The following SERINC2 variants were observed in gnomAD, a reference collection of about 807,000 sequenced individuals.
The protein encoded by SERINC2 is tumor differentially expressed protein 2.
Under a neutral mutation model 54.2 loss-of-function variants are expected in SERINC2, and 56 were observed. That is an observed-to-expected ratio of 1.03 (90% confidence interval 0.83 to 1.29). The LOEUF (loss-of-function observed/expected upper bound fraction) is 1.29, where lower values mean the gene tolerates loss of function less well. Ranked by LOEUF, SERINC2 falls within the 50% of genes most tolerant of loss-of-function variation. The pLI, the probability that SERINC2 is intolerant of heterozygous loss-of-function variation, is 0.00. For missense variants in SERINC2, 614 were observed against 607.4 expected (o/e 1.01, Z -0.12); for synonymous variants, 272 against 253.1 (o/e 1.07, Z -0.71).
intron 1 of SERINC2, among the ~76,000 whole-genome samples, chr1:31,415,263 G>A (rs1381282698): frequency 6.6e-6 from 1 of 152,234 alleles, no homozygotes; most frequent in Non-Finnish European, 1.5e-5. Flanking sequence ...GTCCAGGGAA[G>A]AATTGGGAGA....
chr1:31,432,114 G>A (rs1382927992), intron 8 of SERINC2, among the ~76,000 whole-genome samples: 12 of 126,660 alleles, frequency 9.5e-5, no homozygotes, highest in Non-Finnish European at 1.3e-4. Flanking sequence ...GGGTGGATAG[G>A]GTGGTTAGGG....
In SERINC2 at chr1:31,424,805, C is replaced by G. The variant is rs1640992224; in HGVS notation, c.324C>G (p.Phe108Leu). 1.2e-6 allele frequency: 2 copies of G among 1,612,206 alleles called. No homozygotes were observed. Among genetic ancestry groups the G allele is most frequent in the Non-Finnish European group, 1.7e-6 (2 of 1,179,546 alleles). The change falls in exon 3 of 10, where the codon TTC (phenylalanine) becomes TTG (leucine). Residue 108 changes from phenylalanine (F) to leucine (L), a missense_variant. Phe to Leu is a conservative substitution (Grantham distance 22). Coordinates refer to ENST00000373709, the MANE Select transcript of SERINC2 (RefSeq NM_178865.5). ...YRMCFATAAF[F>L]FFFTLLMLCV... ...TGTGCTTCGCCACGGCGGCCTTCTT[C>G]TTCTTTTTCACCCTGCTCATGCTCT...
intron 8 of SERINC2, among the ~76,000 whole-genome samples, chr1:31,432,035 T>C (rs1641265462): frequency 7.7e-6 from 1 of 129,964 alleles, no homozygotes; most frequent in East Asian, 2.5e-4. Context: ...GTGGACAGGG[T>C]GGACAGGGTG....
intron 1 of SERINC2, among the ~76,000 whole-genome samples, chr1:31,421,478 C>A (rs1640900905): frequency 6.6e-6 from 1 of 152,200 alleles, no homozygotes; most frequent in Non-Finnish European, 1.5e-5. Flanking sequence ...TGGACTGTTT[C>A]AATTTAGACC....
intron 8 of SERINC2, among the ~76,000 whole-genome samples, chr1:31,431,776 A>AATAGGGTGGTTAGGGTGGTTAGGGTGG (rs1557499655): frequency 1.6e-4 from 1 of 6,286 alleles, no homozygotes; most frequent in African/African-American, 2.2e-4. Flanking sequence ...GGAGAGGGTG[A>AATAGGGTGGTTAGGGTGGTTAGGGTGG]ATAGGGTGGA....
At chr1:31,418,755 A>G (rs574874435) in intron 1 of SERINC2, among the ~76,000 whole-genome samples, 155 of 152,296 alleles carry the variant, frequency 1.0e-3, no homozygotes, top group Non-Finnish European at 1.7e-3. Flanking sequence ...GAGTGGTTCT[A>G]AGAACTTCTG....
At chr1:31,416,109 A>C (rs1262554727) in intron 1 of SERINC2, among the ~76,000 whole-genome samples, 1 of 152,208 alleles carries the variant, frequency 6.6e-6, no homozygotes, top group Non-Finnish European at 1.5e-5. Context: ...GACTGTGGGC[A>C]GTCACTTTGC....
Position 31,420,429 on chromosome 1 carries a change from A to C in SERINC2, c.40-3264A>C, listed in dbSNP as rs116000516. Among the ~76,000 whole-genome samples the C allele has an allele frequency of 8.1e-3, 1,226 of 152,292 alleles. 16 individuals are homozygous for C. Among genetic ancestry groups the C allele is most frequent in the African/African-American group, 0.028 (1,147 of 41,542 alleles). On this transcript the variant is annotated intron_variant, in intron 1 of 9. Coordinates refer to ENST00000373709, the MANE Select transcript of SERINC2 (RefSeq NM_178865.5). ...TCTCAGATGTCTCAAATTGAAATTA[A>C]ATGGTAACAAGCCAGCATCAGGACC...
intron 8 of SERINC2, among the ~76,000 whole-genome samples, chr1:31,432,557 T>C (rs551510474): frequency 6.6e-6 from 1 of 152,174 alleles, no homozygotes; most frequent in South Asian, 2.1e-4. Context: ...ATGTAGTACC[T>C]GGTATGGTAC....
chr1:31,424,601 G>A, intron 2 of SERINC2, 82 bp from the exon 3 acceptor site: 1 of 1,236,144 alleles, frequency 8.1e-7, no homozygotes, highest in East Asian at 2.6e-5. Context: ...GGCCTTGGGA[G>A]ACCAGGGCTC....
At chr1:31,431,957 TTAGGGTGGATAGGGTGGA>T (rs1557500441) in intron 8 of SERINC2, among the ~76,000 whole-genome samples, 1 of 3,450 alleles carries the variant, frequency 2.9e-4, no homozygotes, top group African/African-American at 9.9e-4. Context: ...GTTAGGGTGG[TTAGGGTGGATAGGGTGGA>T]TAGGGTGGAT....
chr1:31,413,724 C>A lies in SERINC2; in HGVS notation c.39+420C>A. 1 of 1,318,242 alleles carries A rather than the reference C, an allele frequency of 7.6e-7. No individual in the cohort carries two copies. The highest frequency in any genetic ancestry group is 9.6e-7 in the Non-Finnish European group (1 of 1,036,474). 81.7% of individuals were successfully genotyped at this position (1,318,242 alleles called of 1,614,324 possible). Reference sequence around the variant, plus strand: ...GGTTCTCTGTGTAGGTCGCCCGGGCCCCGTCCCTCCTGGCGAGTGCCCTGC... The same window carrying A: ...GGTTCTCTGTGTAGGTCGCCCGGGCACCGTCCCTCCTGGCGAGTGCCCTGC... On this transcript the variant is annotated intron_variant, in intron 1 of 9. Transcript: ENST00000373709. The surrounding 1 kb of genome is among the most constrained non-coding windows in gnomAD (Gnocchi z 5.0).
chr1:31,421,170 A>T (rs1553132712), intron 1 of SERINC2, among the ~76,000 whole-genome samples: 1 of 152,212 alleles, frequency 6.6e-6, no homozygotes, highest in Admixed American at 6.5e-5. Context: ...TGAACTGTGC[A>T]TGCGAGGGAT....
upstream of SERINC2, chr1:31,410,225 G>A: frequency 2.7e-6 from 4 of 1,456,570 alleles, no homozygotes; most frequent in Non-Finnish European, 3.6e-6. Flanking sequence ...GCAAGAGACA[G>A]AGCTACTCTG....
Position 31,426,063 on chromosome 1 carries a change from A to G in SERINC2, c.610+150A>G, listed in dbSNP as rs1219953141. On this transcript the variant is annotated intron_variant, in intron 5 of 9. Coordinates refer to ENST00000373709, the MANE Select transcript of SERINC2 (RefSeq NM_178865.5). ...GGTCAAGATTCCAATTGTCCCAGGG[A>G]GATGGGGGGCACCAGCTGATCCTGG... 3.8e-6 allele frequency: 3 copies of G among 796,258 alleles called. No individual in the cohort carries two copies. In the East Asian group the frequency reaches 8.5e-5, roughly 23 times the overall value. 49.3% of individuals were successfully genotyped at this position (796,258 alleles called of 1,614,324 possible).
upstream of SERINC2, among the ~76,000 whole-genome samples, chr1:31,410,704 C>T (rs1222842761): frequency 6.6e-5 from 10 of 152,172 alleles, no homozygotes; most frequent in Non-Finnish European, 1.0e-4. Context: ...AGGGGATGGA[C>T]GGACACCCCT....
chr1:31,422,881 A>C (rs372032368), intron 1 of SERINC2, among the ~76,000 whole-genome samples: 3 of 152,326 alleles, frequency 2.0e-5, no homozygotes, highest in Non-Finnish European at 4.4e-5. Context: ...CAACTGGGGC[A>C]GAGGACCCTG....
chr1:31,430,140 T>C (rs537796361), intron 8 of SERINC2, among the ~76,000 whole-genome samples: 1 of 152,100 alleles, frequency 6.6e-6, no homozygotes, highest in Non-Finnish European at 1.5e-5. Flanking sequence ...TCCATTTCCT[T>C]GTCTGTAAAA....
chr1:31,414,482 G>T lies in SERINC2; in HGVS notation c.39+1178G>T, dbSNP rs572865464. 549 of 986,544 alleles carry T rather than the reference G, an allele frequency of 5.6e-4. 4 individuals carry two copies. Among genetic ancestry groups the T allele is most frequent in the African/African-American group, 4.8e-3 (228 of 47,326 alleles). 61.1% of individuals were successfully genotyped at this position (986,544 alleles called of 1,614,324 possible). On this transcript the variant is annotated intron_variant, in intron 1 of 9. Coordinates refer to ENST00000373709, the MANE Select transcript of SERINC2 (RefSeq NM_178865.5). Reference sequence around the variant, plus strand: ...GAGAGAGAGAGAGAGAGAGGAGGGGGTGTAGGGGAGAGCTGAGGGTCTAGA... The same window carrying T: ...GAGAGAGAGAGAGAGAGAGGAGGGGTTGTAGGGGAGAGCTGAGGGTCTAGA...
Sources: allele counts gnomAD v4.1 joint callset (sites outside exome capture counted in the v4.1 genomes callset), GRCh38; gene constraint gnomAD v4.1.1; non-coding constraint Gnocchi (gnomAD v3.1); transcripts MANE v1.5; gene names NCBI Gene and HGNC (gene_info 2026-07-23, HGNC 2026-07-21).